The following RAPGEF2 variants were observed in gnomAD, a reference collection of about 807,000 sequenced individuals.
RAPGEF2 encodes the protein PDZ domain containing guanine nucleotide exchange factor (GEF) 1.
A neutral mutation model predicts 186.7 loss-of-function variants in RAPGEF2; 54 were observed. The ratio of observed to expected loss-of-function variants is 0.29; its 90% CI spans 0.23 to 0.36. RAPGEF2 has a LOEUF of 0.36. Among genes scored for constraint, RAPGEF2 ranks in the 10% least tolerant of loss-of-function variants. RAPGEF2 has a pLI of 1.00. For missense variants in RAPGEF2, 1,532 were observed against 2,045.0 expected (o/e 0.75, Z 4.84); for synonymous variants, 712 against 705.9 (o/e 1.01, Z -0.14).
intron 7 of RAPGEF2, among the ~76,000 whole-genome samples, chr4:159,301,509 A>G (rs1351473171): frequency 6.6e-6 from 1 of 152,172 alleles, no homozygotes; most frequent in Non-Finnish European, 1.5e-5. Context: ...TTATATATGC[A>G]TTTACTTTAA....
intron 9 of RAPGEF2, 29 bp downstream of exon 9, chr4:159,314,797 G>T (rs1234115307): frequency 1.9e-6 from 3 of 1,548,270 alleles, no homozygotes; most frequent in South Asian, 2.4e-5. Flanking sequence ...ATGAATCTAC[G>T]AGCAATTAAA....
intron 1 of RAPGEF2, among the ~76,000 whole-genome samples, chr4:159,126,184 GCCTT>G (rs1740280514): frequency 6.6e-6 from 1 of 152,024 alleles, no homozygotes; most frequent in Admixed American, 6.6e-5. Flanking sequence ...TACTATTTAA[GCCTT>G]CCTTCAAACT....
At chr4:159,167,264 T>G (rs144844280) in intron 1 of RAPGEF2, among the ~76,000 whole-genome samples, 1 of 152,306 alleles carries the variant, frequency 6.6e-6, no homozygotes, top group African/African-American at 2.4e-5. Flanking sequence ...GCCAGTTTTT[T>G]GGGGGAAATT....
In RAPGEF2 at chr4:159,352,736, A is replaced by G; in HGVS notation, c.3917A>G (p.His1306Arg). ...GTGGATAATTTTTCAGATTCTGGTC[A>G]CAGTGAAATTTCTTCACGATCCAGT... Reference protein sequence around the residue: ...GTVDNFSDSGHSEISSRSSIV... With the variant: ...GTVDNFSDSGRSEISSRSSIV... Residue 1306 changes from histidine (H) to arginine (R), a missense_variant, in exon 27 of 30, where the codon CAC (histidine) becomes CGC (arginine). Around this residue, in one of 4 missense-constraint regions of RAPGEF2, gnomAD observed 594 missense variants for 608.5 expected, o/e 0.98. Coordinates refer to ENST00000691494, the MANE Select transcript of RAPGEF2 (RefSeq NM_001394067.2). 3 of 1,614,212 alleles carry G rather than the reference A, an allele frequency of 1.9e-6. No individual in the cohort carries two copies. Among genetic ancestry groups the G allele is most frequent in the Non-Finnish European group, 8.5e-7 (1 of 1,180,028 alleles).
intron 25 of RAPGEF2, 22 bp downstream of exon 25, chr4:159,347,020 T>C: frequency 6.3e-7 from 1 of 1,589,130 alleles, no homozygotes; most frequent in African/African-American, 1.3e-5. Context: ...CATTCATTTC[T>C]TTTTTTGGTG....
chr4:159,138,297 C>T (rs1310395472), intron 1 of RAPGEF2, among the ~76,000 whole-genome samples: 2 of 152,162 alleles, frequency 1.3e-5, no homozygotes, highest in Non-Finnish European at 2.9e-5. Flanking sequence ...CTGATATAGA[C>T]TATTTTTCCT....
chr4:159,312,608 C>G (rs1015705228), intron 8 of RAPGEF2, among the ~76,000 whole-genome samples: 2 of 152,170 alleles, frequency 1.3e-5, no homozygotes, highest in Admixed American at 1.3e-4. Context: ...CCTGCAGTAT[C>G]TCTGCTTATA....
chr4:159,148,236 A>C (rs1321907151), intron 1 of RAPGEF2, among the ~76,000 whole-genome samples: 1 of 152,190 alleles, frequency 6.6e-6, no homozygotes, highest in Non-Finnish European at 1.5e-5. Context: ...ATTTACAGTT[A>C]ATAGTATTCA....
At chr4:159,167,295 A>G (rs1745430933) in intron 1 of RAPGEF2, among the ~76,000 whole-genome samples, 1 of 152,218 alleles carries the variant, frequency 6.6e-6, no homozygotes, top group Admixed American at 6.5e-5. Flanking sequence ...TTTAGTTACC[A>G]TTTGAAATGA....
intron 4 of RAPGEF2, among the ~76,000 whole-genome samples, chr4:159,221,052 G>C (rs370418378): frequency 6.6e-6 from 1 of 152,140 alleles, no homozygotes; most frequent in African/African-American, 2.4e-5. Context: ...GATATTGTTC[G>C]ACCCTTGCAG....
In RAPGEF2 at chr4:159,353,360, C is replaced by T; in HGVS notation, c.4092-127C>T. ...GCCAATATAAGGCAATTCAGTGCTACTTTTATCCTGTTTCTGGGATGAAAG... is the reference window on the plus strand; with the variant it reads ...GCCAATATAAGGCAATTCAGTGCTATTTTTATCCTGTTTCTGGGATGAAAG... On this transcript the variant is annotated intron_variant, in intron 27 of 29. Transcript: ENST00000691494. The surrounding 1 kb of genome is among the most constrained non-coding windows in gnomAD (Gnocchi z 4.3). The T allele has an allele frequency of 1.4e-6, 1 of 722,648 alleles. No individual in the cohort carries two copies. The highest frequency in any genetic ancestry group is 3.1e-5 in the East Asian group (1 of 32,698). 44.8% of individuals were successfully genotyped at this position (722,648 alleles called of 1,614,324 possible). A position where few individuals can be genotyped will look rare whatever the true frequency, so the allele number is the denominator to read the frequency against.
intron 5 of RAPGEF2, among the ~76,000 whole-genome samples, chr4:159,240,518 A>G (rs1399705243): frequency 6.6e-6 from 1 of 151,788 alleles, no homozygotes; most frequent in Non-Finnish European, 1.5e-5. Context: ...TATCTTTAGC[A>G]GAGATGGGGT....
intron 7 of RAPGEF2, among the ~76,000 whole-genome samples, chr4:159,293,166 A>G (rs1047108911): frequency 1.3e-5 from 2 of 152,166 alleles, no homozygotes; most frequent in African/African-American, 4.8e-5. Flanking sequence ...TATAATTAAA[A>G]TTATTCCTTT....
At chr4:159,330,951 C>T (rs1579967861) in intron 13 of RAPGEF2, among the ~76,000 whole-genome samples, 1 of 152,116 alleles carries the variant, frequency 6.6e-6, no homozygotes, top group African/African-American at 2.4e-5. Context: ...CCATCTAGAG[C>T]TCTTGAGAGC....
At chr4:159,151,754 G>C (rs1743561426) in intron 1 of RAPGEF2, among the ~76,000 whole-genome samples, 1 of 152,118 alleles carries the variant, frequency 6.6e-6, no homozygotes, top group African/African-American at 2.4e-5. Flanking sequence ...TTGTGTAAGT[G>C]TGTGTTTGTG....
At chr4:159,217,264 C>T (rs1751075411) in intron 4 of RAPGEF2, among the ~76,000 whole-genome samples, 1 of 152,110 alleles carries the variant, frequency 6.6e-6, no homozygotes, top group South Asian at 2.1e-4. Flanking sequence ...TGATTGAACC[C>T]ATCACCCAGA....
rs1408741283 is a variant in RAPGEF2 at position 159,353,408 on chromosome 4, G to C, written c.4092-79G>C. ...AAGCAAGCTACCTTTCTAGGAAAAA[G>C]GGTATTTTGGTTTTATCATAGGTGA... On this transcript the variant is annotated intron_variant, in intron 27 of 29. Coordinates refer to ENST00000691494, the MANE Select transcript of RAPGEF2 (RefSeq NM_001394067.2). This position sits in a 1 kb window ranked among gnomAD's most constrained non-coding sequence, Gnocchi z 4.3. The C allele has an allele frequency of 3.8e-5, 44 of 1,148,894 alleles. No individual in the cohort carries two copies. 71.2% of individuals were successfully genotyped at this position (1,148,894 alleles called of 1,614,324 possible).
chr4:159,144,857 C>G (rs897402083), intron 1 of RAPGEF2, among the ~76,000 whole-genome samples: 1 of 118,744 alleles, frequency 8.4e-6, no homozygotes, highest in African/African-American at 3.2e-5. Context: ...CAACTTGCTT[C>G]TTAATTTTTT....
At chr4:159,336,778 A>G (rs1264215074) in intron 17 of RAPGEF2, among the ~76,000 whole-genome samples, 2 of 152,098 alleles carry the variant, frequency 1.3e-5, no homozygotes, top group East Asian at 1.9e-4. Context: ...ATTTTTTAGC[A>G]TAGTCATTAA....
Sources: allele counts gnomAD v4.1 joint callset (sites outside exome capture counted in the v4.1 genomes callset), GRCh38; gene constraint gnomAD v4.1.1; regional missense constraint gnomAD v4.1.1; non-coding constraint Gnocchi (gnomAD v3.1); transcripts MANE v1.5; gene names NCBI Gene and HGNC (gene_info 2026-07-23, HGNC 2026-07-21).